The following KCNH7 variants were observed in gnomAD, a reference collection of about 807,000 sequenced individuals.
The protein encoded by KCNH7 is voltage-gated inwardly rectifying potassium channel KCNH7.
In KCNH7, 49 loss-of-function variants were observed where a neutral mutation model predicts 120.8. The ratio of observed to expected loss-of-function variants is 0.41; its 90% CI spans 0.32 to 0.51. The LOEUF (loss-of-function observed/expected upper bound fraction) is 0.51. Among genes scored for constraint, KCNH7 ranks in the 20% least tolerant of loss-of-function variants. The pLI is 0.38. For synonymous variants in KCNH7, 547 were observed against 516.1 expected (o/e 1.06, Z -0.81); for missense variants, 1,097 against 1,446.6 (o/e 0.76, Z 3.92).
At chr2:162,450,702 T>C (rs1688738594) in intron 6 of KCNH7, among the ~76,000 whole-genome samples, 1 of 152,038 alleles carries the variant, frequency 6.6e-6, no homozygotes, top group Non-Finnish European at 1.5e-5. Context: ...TTTCTATGGA[T>C]ATCAGTTTGA....
chr2:162,415,850 T>C (rs1252139010), intron 9 of KCNH7, among the ~76,000 whole-genome samples: 3 of 152,188 alleles, frequency 2.0e-5, no homozygotes, highest in African/African-American at 7.2e-5. Context: ...GTCCTTTTCT[T>C]CATTCTGACC....
At chr2:162,798,862 A>G (rs1259253256) in intron 2 of KCNH7, among the ~76,000 whole-genome samples, 1 of 151,952 alleles carries the variant, frequency 6.6e-6, no homozygotes, top group Non-Finnish European at 1.5e-5. Context: ...AGCGACCCCC[A>G]CCTATAAAGA....
chr2:162,526,459 C>T (rs1004149156), intron 3 of KCNH7, among the ~76,000 whole-genome samples: 3 of 151,910 alleles, frequency 2.0e-5, no homozygotes, highest in Admixed American at 1.3e-4. Context: ...TATTTCATCC[C>T]TACAGCTTCG....
At chr2:162,386,590 T>C (rs1686579785) in intron 12 of KCNH7, among the ~76,000 whole-genome samples, 1 of 151,946 alleles carries the variant, frequency 6.6e-6, no homozygotes, top group Admixed American at 6.6e-5. Flanking sequence ...TCAGGCCTCC[T>C]ATTTTCTCGA....
chr2:162,487,362 T>C (rs1252223695), intron 6 of KCNH7, among the ~76,000 whole-genome samples: 4 of 152,198 alleles, frequency 2.6e-5, no homozygotes, highest in African/African-American at 9.6e-5. Context: ...TATTTATATT[T>C]TCCAAGTTTG....
intron 6 of KCNH7, among the ~76,000 whole-genome samples, chr2:162,494,603 C>A (rs1690432586): frequency 6.6e-6 from 1 of 152,010 alleles, no homozygotes; most frequent in Non-Finnish European, 1.5e-5. Context: ...TTATGTTAAC[C>A]TATTGTAAAC....
At chr2:162,788,696 G>A (rs1683803834) in intron 2 of KCNH7, among the ~76,000 whole-genome samples, 1 of 151,836 alleles carries the variant, frequency 6.6e-6, no homozygotes, top group African/African-American at 2.4e-5. Context: ...AAAAGAAATA[G>A]GCAGAGGGAT....
At chr2:162,728,861 T>C (rs1387295423) in intron 2 of KCNH7, among the ~76,000 whole-genome samples, 3 of 152,306 alleles carry the variant, frequency 2.0e-5, no homozygotes, top group Non-Finnish European at 4.4e-5. Flanking sequence ...GGTCTTATTT[T>C]GAACATCTTT....
chr2:162,610,705 T>C (rs1244448791), intron 2 of KCNH7, among the ~76,000 whole-genome samples: 1 of 152,236 alleles, frequency 6.6e-6, no homozygotes, highest in Admixed American at 6.5e-5. Flanking sequence ...GCTAAGGTAC[T>C]GAAATTATAA....
intron 2 of KCNH7, among the ~76,000 whole-genome samples, chr2:162,694,704 C>T (rs1424661467): frequency 6.6e-6 from 1 of 151,982 alleles, no homozygotes; most frequent in East Asian, 1.9e-4. Context: ...AGAAGATTGC[C>T]TGAAATACAA....
At chr2:162,390,039 G>A (rs1399486351) in intron 12 of KCNH7, among the ~76,000 whole-genome samples, 1 of 151,844 alleles carries the variant, frequency 6.6e-6, no homozygotes, top group Admixed American at 6.6e-5. Flanking sequence ...CAAATGAATG[G>A]GTGATTGTTT....
intron 2 of KCNH7, among the ~76,000 whole-genome samples, chr2:162,634,446 A>G (rs974329319): frequency 6.6e-6 from 1 of 152,076 alleles, no homozygotes; most frequent in Non-Finnish European, 1.5e-5. Flanking sequence ...ATCTTTCAAT[A>G]TCTTCACAGC....
At chr2:162,549,944 G>A (rs1479877850) in intron 2 of KCNH7, among the ~76,000 whole-genome samples, 1 of 152,126 alleles carries the variant, frequency 6.6e-6, no homozygotes, top group Admixed American at 6.5e-5. Flanking sequence ...TTGTTTCATT[G>A]ATATTTTAGA....
At chr2:162,584,901 C>CTTT (rs5835912) in intron 2 of KCNH7, among the ~76,000 whole-genome samples, 1 of 126,514 alleles carries the variant, frequency 7.9e-6, no homozygotes, top group Non-Finnish European at 1.7e-5. Context: ...CAATCCCCAG[C>CTTT]TTTTTTTTTT....
intron 6 of KCNH7, among the ~76,000 whole-genome samples, chr2:162,470,151 T>C: frequency 6.6e-6 from 1 of 151,426 alleles, no homozygotes; most frequent in East Asian, 2.0e-4. Flanking sequence ...GTGAGGAGTG[T>C]CTCTGCCTGG....
At chr2:162,583,637 GAATT>G (rs1693944717) in intron 2 of KCNH7, among the ~76,000 whole-genome samples, 1 of 152,032 alleles carries the variant, frequency 6.6e-6, no homozygotes, top group African/African-American at 2.4e-5. Flanking sequence ...ACAAAATTCA[GAATT>G]AATTTCAAAT....
At chr2:162,551,452 G>A (rs745734590) in intron 2 of KCNH7, among the ~76,000 whole-genome samples, 2 of 151,884 alleles carry the variant, frequency 1.3e-5, no homozygotes, top group African/African-American at 4.8e-5. Context: ...TTGAAGTTCA[G>A]CTGTAAAGTA....
intron 3 of KCNH7, 21 bp from the exon 4 acceptor site, chr2:162,518,179 G>C (rs377396561): frequency 1.7e-4 from 261 of 1,566,054 alleles, no homozygotes; most frequent in Non-Finnish European, 2.0e-4. Flanking sequence ...AGACAGGAGA[G>C]AGCATTATTA....
intron 2 of KCNH7, among the ~76,000 whole-genome samples, chr2:162,714,085 T>G (rs527852995): frequency 1.7e-4 from 26 of 152,370 alleles, no homozygotes; most frequent in Non-Finnish European, 2.6e-4. Flanking sequence ...TTGGAATATC[T>G]GAGTTCCGTG....
Sources: gnomAD v4.1 joint callset for allele counts (sites outside exome capture counted in the v4.1 genomes callset) on GRCh38, gnomAD v4.1.1 for gene constraint, MANE v1.5 for transcripts, NCBI Gene and HGNC (gene_info 2026-07-23, HGNC 2026-07-21) for gene names.